The following KAZN variants were observed in gnomAD, a reference collection of about 807,000 sequenced individuals.
KAZN encodes kazrin, periplakin interacting protein.
A neutral mutation model predicts 87.4 loss-of-function variants in KAZN; 40 were observed. The ratio of observed to expected loss-of-function variants is 0.46; its 90% CI spans 0.36 to 0.60. The LOEUF (loss-of-function observed/expected upper bound fraction) is 0.60, where lower values mean the gene tolerates loss of function less well. KAZN is among the 20% of genes least tolerant of loss of function. The pLI, the probability that KAZN is intolerant of heterozygous loss-of-function variation, is 0.00. For missense variants in KAZN, 898 were observed against 1,073.9 expected (o/e 0.84, Z 2.29); for synonymous variants, 466 against 458.3 (o/e 1.02, Z -0.22).
At chr1:14,467,475 A>G (rs1668227897) in intron 2 of KAZN, among the ~76,000 whole-genome samples, 2 of 152,070 alleles carry the variant, frequency 1.3e-5, no homozygotes, top group South Asian at 4.1e-4. Context: ...TGTCAATTAT[A>G]TCCTATCAGT....
At chr1:15,095,759 G>T (rs941334386) in intron 10 of KAZN, among the ~76,000 whole-genome samples, 2 of 152,182 alleles carry the variant, frequency 1.3e-5, no homozygotes, top group Non-Finnish European at 2.9e-5. Flanking sequence ...GCTGTAATTT[G>T]CAGAAGCAGC....
At chr1:14,587,422 C>T (rs189458155) in intron 2 of KAZN, among the ~76,000 whole-genome samples, 281 of 141,426 alleles carry the variant, frequency 2.0e-3, no homozygotes, top group African/African-American at 7.0e-3. Context: ...GGTGACAGAG[C>T]GAGACTCCAA....
Position 14,598,858 on chromosome 1 carries a change from C to T in KAZN, c.-140C>T, listed in dbSNP as rs531384067. 7.7e-6 allele frequency: 11 copies of T among 1,426,574 alleles called. No individual in the cohort carries two copies. The highest frequency in any genetic ancestry group is 1.5e-5 in the African/African-American group (1 of 65,646). 88.4% of individuals were successfully genotyped at this position (1,426,574 alleles called of 1,614,324 possible). A position where few individuals can be genotyped will look rare whatever the true frequency, so the allele number is the denominator to read the frequency against. On this transcript the variant is annotated 5_prime_UTR_variant, in exon 1 of 15. Coordinates refer to ENST00000376030, the MANE Select transcript of KAZN (RefSeq NM_201628.3). This position sits in a 1 kb window ranked among gnomAD's most constrained non-coding sequence, Gnocchi z 4.2. ...CCTGTGCCGGAGGAACCGGCGCTGC[C>T]GGTGCCTGGGGGTCGGGGCGCGGGC... is the stretch of plus-strand genomic sequence containing the variant.
intron 2 of KAZN, among the ~76,000 whole-genome samples, chr1:14,217,660 C>A (rs61771839): frequency 0.035 from 5,249 of 151,984 alleles, 126 homozygotes; most frequent in Middle Eastern, 0.068. Context: ...AAAAGTTTCC[C>A]AAAACAATTG....
At chr1:14,538,960 C>T (rs758433779) in intron 2 of KAZN, among the ~76,000 whole-genome samples, 57 of 152,142 alleles carry the variant, frequency 3.7e-4, no homozygotes, top group East Asian at 1.2e-3. Flanking sequence ...TTAGGGGAGG[C>T]GAGTGGATGG....
chr1:14,116,422 C>A (rs116376930), intron 1 of KAZN, among the ~76,000 whole-genome samples: 2 of 152,190 alleles, frequency 1.3e-5, no homozygotes, highest in African/African-American at 2.4e-5. Flanking sequence ...TCAGAGGGTG[C>A]AAGCCTCAAG....
At chr1:14,235,544 C>T (rs916323497) in intron 2 of KAZN, among the ~76,000 whole-genome samples, 11 of 152,040 alleles carry the variant, frequency 7.2e-5, no homozygotes, top group Non-Finnish European at 1.2e-4. Context: ...TGCTGATGGC[C>T]GCACAACTCT....
intron 2 of KAZN, among the ~76,000 whole-genome samples, chr1:14,521,793 T>A (rs1671605879): frequency 1.3e-5 from 2 of 152,128 alleles, no homozygotes. Context: ...GAGTCGACCT[T>A]GAGTTAGGGG....
chr1:14,527,924 C>T (rs78152580), intron 2 of KAZN, among the ~76,000 whole-genome samples: 113 of 152,228 alleles, frequency 7.4e-4, no homozygotes, highest in African/African-American at 2.6e-3. Flanking sequence ...GACACATATC[C>T]AAACTATAGC....
intron 1 of KAZN, among the ~76,000 whole-genome samples, chr1:14,900,187 A>G (rs1408305510): frequency 6.6e-6 from 1 of 152,124 alleles, no homozygotes; most frequent in African/African-American, 2.4e-5. Context: ...GAACAGCCTC[A>G]AAGACCCCAG....
chr1:15,100,185 G>A (rs941620628), intron 10 of KAZN, among the ~76,000 whole-genome samples: 7 of 152,208 alleles, frequency 4.6e-5, no homozygotes, highest in Admixed American at 2.0e-4. Context: ...AGACAGGAGT[G>A]CCTGGAGAAA....
intron 1 of KAZN, among the ~76,000 whole-genome samples, chr1:14,004,182 C>T (rs1017951011): frequency 1.5e-4 from 22 of 151,690 alleles, no homozygotes; most frequent in African/African-American, 5.1e-4. Context: ...ACAACTATGC[C>T]CACACCCAAT....
At chr1:14,070,414 T>C (rs1418096374) in intron 1 of KAZN, among the ~76,000 whole-genome samples, 1 of 152,100 alleles carries the variant, frequency 6.6e-6, no homozygotes, top group Non-Finnish European at 1.5e-5. Flanking sequence ...ATCAGAAAGA[T>C]ATCAGAAATT....
At chr1:14,582,155 C>A (rs954021980) in intron 2 of KAZN, among the ~76,000 whole-genome samples, 1 of 102,620 alleles carries the variant, frequency 9.7e-6, no homozygotes, top group South Asian at 3.4e-4. Context: ...GCAAAAAAAA[C>A]CTAAAGTTTA....
rs985994845 is a variant in KAZN at position 14,064,801 on chromosome 1, C to A, written c.92-115634C>A. Among the ~76,000 whole-genome samples the A allele has an allele frequency of 4.6e-5, 7 of 152,088 alleles. No homozygotes were observed. In the East Asian group the frequency reaches 1.4e-3, roughly 29 times the overall value. On this transcript the variant is annotated intron_variant, in intron 1 of 16. Transcript: ENST00000636203. ...ACTGTGCTTCTCCCTCCCCGCTGCT[C>A]GGTGGTGGAGTTTGGGAAGTGGACA...
intron 2 of KAZN, among the ~76,000 whole-genome samples, chr1:14,566,299 CTT>C (rs553019106): frequency 6.6e-6 from 1 of 152,298 alleles, no homozygotes; most frequent in Admixed American, 6.5e-5. Context: ...TTGAGAGAAT[CTT>C]TTTTTCTAAG....
intron 1 of KAZN, among the ~76,000 whole-genome samples, chr1:14,946,559 A>T (rs1015035807): frequency 1.2e-4 from 19 of 152,098 alleles, no homozygotes; most frequent in African/African-American, 4.6e-4. Flanking sequence ...GGATGGTCTC[A>T]ATCTGGTTTA....
chr1:14,713,797 AAAAG>A (rs1553215136), intron 1 of KAZN, among the ~76,000 whole-genome samples: 1 of 95,648 alleles, frequency 1.0e-5, no homozygotes, highest in Non-Finnish European at 1.9e-5. Flanking sequence ...AAAAAAAAAA[AAAAG>A]AAAGAATAAT....
At chr1:14,282,259 C>T (rs1161839898) in intron 2 of KAZN, among the ~76,000 whole-genome samples, 1 of 152,158 alleles carries the variant, frequency 6.6e-6, no homozygotes, top group Non-Finnish European at 1.5e-5. Context: ...TGGAGTCATC[C>T]ATGCTTGCTT....
Sources: allele counts gnomAD v4.1 joint callset (sites outside exome capture counted in the v4.1 genomes callset), GRCh38; gene constraint gnomAD v4.1.1; non-coding constraint Gnocchi (gnomAD v3.1); transcripts MANE v1.5; gene names NCBI Gene and HGNC (gene_info 2026-07-23, HGNC 2026-07-21).